Variants in PTGER3 observed in about 807,000 individuals in gnomAD.
PTGER3 encodes prostaglandin E receptor 3, also known as prostaglandin E2 receptor EP3 subtype.
In PTGER3, 22 loss-of-function variants were observed where a neutral mutation model predicts 34.7. The observed-to-expected ratio is 0.63, with a 90% CI of 0.45 to 0.91. PTGER3 has a LOEUF of 0.91. Among genes scored for constraint, PTGER3 ranks in the 40% least tolerant of loss-of-function variants. The pLI is 0.00. For missense variants in PTGER3, 468 were observed against 519.4 expected, an observed-to-expected ratio of 0.90 and a Z score of 0.96; for synonymous variants, 241 against 230.1, an observed-to-expected ratio of 1.05 and a Z score of -0.43.
In PTGER3 at chr1:70,976,654, T is replaced by C. The variant is rs558325489; in HGVS notation, c.1078-2266A>G. On this transcript the variant is annotated intron_variant, in intron 2 of 3. Coordinates refer to ENST00000306666, the MANE Select transcript of PTGER3 (RefSeq NM_198719.2). ...GGCAAATCTTGGCAAATCATAAATA[T>C]CTTTGAAAGTTTCCCATTTCTAAAA... is the stretch of plus-strand genomic sequence containing the variant. Among the ~76,000 whole-genome samples, 48 of 152,280 alleles carry C rather than the reference T, an allele frequency of 3.2e-4. No individual in the cohort carries two copies. In the South Asian group the frequency reaches 6.6e-3, roughly 21 times the overall value.
intron 4 of PTGER3, among the ~76,000 whole-genome samples, chr1:70,863,685 C>A (rs2100495293): frequency 7.0e-6 from 1 of 143,186 alleles, no homozygotes; most frequent in East Asian, 2.4e-4. Flanking sequence ...ACATATATAG[C>A]AAATGGATTT....
At position 70,971,122 on chromosome 1, in the gene PTGER3, C is replaced by T. The variant is rs1248879248; in HGVS notation, c.*608G>A. The T allele has an allele frequency of 8.1e-6, 8 of 985,346 alleles. No homozygotes were observed. Among genetic ancestry groups the T allele is most frequent in the Non-Finnish European group, 9.6e-6 (8 of 829,908 alleles). 61.0% of individuals were successfully genotyped at this position (985,346 alleles called of 1,614,324 possible). On this transcript the variant is annotated 3_prime_UTR_variant, in exon 4 of 4. Coordinates refer to ENST00000306666, the MANE Select transcript of PTGER3 (RefSeq NM_198719.2). The stretch of plus-strand genomic sequence containing the variant: ...TCCTGAGTTACTAAATGACACATAA[C>T]TAGAATTGAGACTTAGGAACTTTTA...
At chr1:71,023,859 C>T (rs1360927189) in intron 1 of PTGER3, among the ~76,000 whole-genome samples, 1 of 151,616 alleles carries the variant, frequency 6.6e-6, no homozygotes, top group Non-Finnish European at 1.5e-5. Context: ...CTCTCATTTA[C>T]ACCCCCAATT....
At chr1:71,042,744 C>T (rs1406628992) in intron 1 of PTGER3, among the ~76,000 whole-genome samples, 1 of 152,074 alleles carries the variant, frequency 6.6e-6, no homozygotes. Context: ...AGGCAAATTT[C>T]GCTTGTCAAA....
At chr1:70,920,540 G>A (rs1026707349) in intron 4 of PTGER3, among the ~76,000 whole-genome samples, 2 of 152,270 alleles carry the variant, frequency 1.3e-5, no homozygotes, top group Non-Finnish European at 2.9e-5. Flanking sequence ...TTTTTACTTT[G>A]TTTCCTCTCT....
At chr1:70,907,537 A>G (rs1378117088) in intron 4 of PTGER3, among the ~76,000 whole-genome samples, 1 of 152,210 alleles carries the variant, frequency 6.6e-6, no homozygotes, top group Non-Finnish European at 1.5e-5. Flanking sequence ...ACATCAAGTA[A>G]TTGTGTGACT....
At chr1:70,930,897 C>T (rs1336882230) in intron 4 of PTGER3, among the ~76,000 whole-genome samples, 25 of 152,156 alleles carry the variant, frequency 1.6e-4, no homozygotes, top group Admixed American at 1.6e-3. Context: ...CAAAACCAAT[C>T]ATGCCTTCCC....
At chr1:70,876,081 C>G (rs758413718) in intron 4 of PTGER3, among the ~76,000 whole-genome samples, 5 of 152,154 alleles carry the variant, frequency 3.3e-5, no homozygotes, top group Non-Finnish European at 7.4e-5. Context: ...TTCCTTTTCT[C>G]CACAACCTTG....
chr1:70,939,002 C>T (rs1649507540), intron 4 of PTGER3, among the ~76,000 whole-genome samples: 1 of 152,124 alleles, frequency 6.6e-6, no homozygotes, highest in Non-Finnish European at 1.5e-5. Flanking sequence ...TTGAAAGTCT[C>T]ATCTGAGACA....
At position 70,881,798 on chromosome 1, in the gene PTGER3, T is replaced by C. The variant is rs113490784; in HGVS notation, c.*24-28939A>G. 3.2e-3 allele frequency among the ~76,000 whole-genome samples: 486 copies of C among 152,342 alleles called. 3 individuals carry two copies. The highest frequency in any genetic ancestry group is 0.011 in the African/African-American group (456 of 41,570). On this transcript the variant is annotated intron_variant, in intron 4 of 4. Transcript: ENST00000370931. ...GGTTGCAGTTAGCAGACAAGCCATT[T>C]CCTTGCTGGGTTGGCCCTAATATGT...
exon 4 of PTGER3, chr1:70,952,572 A>G: frequency 1.0e-6 from 1 of 1,003,080 alleles, no homozygotes; most frequent in Non-Finnish European, 1.2e-6. Flanking sequence ...AAATGTTAAA[A>G]TACTCTTGCA....
intron 4 of PTGER3, among the ~76,000 whole-genome samples, chr1:70,896,806 A>G (rs1289683496): frequency 6.6e-6 from 1 of 152,140 alleles, no homozygotes; most frequent in Non-Finnish European, 1.5e-5. Context: ...TTCCTCCAGG[A>G]CTGGAGCTTT....
chr1:70,852,985 A>G, intron 4 of PTGER3: 4 of 1,098,582 alleles, frequency 3.6e-6, no homozygotes, highest in Non-Finnish European at 5.5e-6. Context: ...AATCACTTAC[A>G]GCAGTATAAC....
At position 70,934,809 on chromosome 1, in the gene PTGER3, T is replaced by C. The variant is rs570823943; in HGVS notation, c.*23+18954A>G. On this transcript the variant is annotated intron_variant, in intron 4 of 4. Coordinates refer to the PTGER3 transcript ENST00000370931. ...AAAACACTGTCCAGATCACCTTCCC[T>C]GACAGAAGCAGCCATAACAACAGAA... Among the ~76,000 whole-genome samples, 104 of 152,290 alleles carry C rather than the reference T, an allele frequency of 6.8e-4. 1 individual carries two copies. The highest frequency in any genetic ancestry group is 2.3e-3 in the African/African-American group (95 of 41,566).
intron 2 of PTGER3, among the ~76,000 whole-genome samples, chr1:70,981,363 CTTTCTTTCTTTCTTTCTTTCT>C (rs1654304086): frequency 1.0e-5 from 1 of 98,122 alleles, no homozygotes; most frequent in Non-Finnish European, 2.0e-5. Context: ...TTCTTTCTTT[CTTTCTTTCTTTCTTTCTTTCT>C]TTCTTTCTTT....
intron 4 of PTGER3, among the ~76,000 whole-genome samples, chr1:70,918,464 T>A (rs1647257509): frequency 6.6e-6 from 1 of 151,996 alleles, no homozygotes; most frequent in Admixed American, 6.6e-5. Flanking sequence ...AAGTGGAGAC[T>A]ACCTACAAAG....
chr1:70,885,298 T>C (rs1232387285), intron 4 of PTGER3, among the ~76,000 whole-genome samples: 1 of 152,200 alleles, frequency 6.6e-6, no homozygotes, highest in East Asian at 1.9e-4. Context: ...AAATGTGTTA[T>C]ACTCCATCAA....
intron 4 of PTGER3, among the ~76,000 whole-genome samples, chr1:70,866,453 T>A (rs1035151501): frequency 6.6e-6 from 1 of 152,178 alleles, no homozygotes; most frequent in Non-Finnish European, 1.5e-5. Context: ...CAAACCACCA[T>A]CAAAGCCCCC....
At chr1:71,011,147 G>A (rs372897840) in intron 2 of PTGER3, 11 of 985,588 alleles carry the variant, frequency 1.1e-5, no homozygotes, top group Non-Finnish European at 1.2e-5. Context: ...GCACAAATAC[G>A]TCAAGCTTAG....
Sources: gnomAD v4.1 joint callset for allele counts (sites outside exome capture counted in the v4.1 genomes callset) on GRCh38, gnomAD v4.1.1 for gene constraint, MANE v1.5 for transcripts, NCBI Gene and HGNC (gene_info 2026-07-23, HGNC 2026-07-21) for gene names.